Variants in HDAC9 observed in about 807,000 individuals in gnomAD.
HDAC9 encodes MEF-2 interacting transcription repressor (MITR) protein.
A neutral mutation model predicts 139.4 loss-of-function variants in HDAC9; 41 were observed. The observed-to-expected ratio is 0.29, with a 90% confidence interval of 0.23 to 0.38. The LOEUF (loss-of-function observed/expected upper bound fraction) is 0.38, where lower values mean the gene tolerates loss of function less well. HDAC9 is among the 10% of genes least tolerant of loss of function. The pLI is 1.00. For synonymous variants in HDAC9, 517 were observed against 476.2 expected, an observed-to-expected ratio of 1.09 and a Z score of -1.12; for missense variants, 1,147 against 1,297.0, an observed-to-expected ratio of 0.88 and a Z score of 1.78.
At chr7:18,822,349 T>TGTA (rs1795046580) in intron 17 of HDAC9, among the ~76,000 whole-genome samples, 1 of 141,792 alleles carries the variant, frequency 7.1e-6, no homozygotes, top group Admixed American at 7.2e-5. Flanking sequence ...TTTGTTTGTT[T>TGTA]GTTGTTGTTG....
intron 25 of HDAC9, among the ~76,000 whole-genome samples, chr7:18,978,233 T>C (rs953444548): frequency 6.6e-6 from 1 of 152,142 alleles, no homozygotes; most frequent in Non-Finnish European, 1.5e-5. Flanking sequence ...GGAGAACATA[T>C]TGGTGTTTGG....
chr7:18,346,392 ACT>A (rs760138497), intron 1 of HDAC9, among the ~76,000 whole-genome samples: 66 of 152,102 alleles, frequency 4.3e-4, no homozygotes, highest in Non-Finnish European at 8.5e-4. Context: ...GGATAATTTA[ACT>A]CTCAAAAATT....
chr7:18,528,463 C>A (rs1320145765), intron 2 of HDAC9, among the ~76,000 whole-genome samples: 2 of 151,882 alleles, frequency 1.3e-5, no homozygotes, highest in Non-Finnish European at 2.9e-5. Flanking sequence ...GTTTTCAGAC[C>A]AAATGGACTG....
At chr7:18,234,897 C>A (rs531711280) in intron 2 of HDAC9, among the ~76,000 whole-genome samples, 1 of 152,260 alleles carries the variant, frequency 6.6e-6, no homozygotes, top group Non-Finnish European at 1.5e-5. Flanking sequence ...AAGTTAATGA[C>A]CAGGTGGTAG....
At chr7:18,381,333 T>A (rs1454592655) in intron 1 of HDAC9, among the ~76,000 whole-genome samples, 1 of 151,924 alleles carries the variant, frequency 6.6e-6, no homozygotes, top group Non-Finnish European at 1.5e-5. Context: ...ATTTGGAAGA[T>A]ATAATTAACA....
chr7:18,261,854 G>C (rs985654486), intron 2 of HDAC9, among the ~76,000 whole-genome samples: 3 of 152,178 alleles, frequency 2.0e-5, no homozygotes, highest in Non-Finnish European at 4.4e-5. Context: ...GTGGCTACTT[G>C]TCCTAAACAT....
chr7:18,902,001 G>A (rs17350515), intron 22 of HDAC9, among the ~76,000 whole-genome samples: 75,073 of 152,004 alleles, frequency 0.49, 20,250 homozygotes, highest in East Asian at 0.88. Context: ...AGTTACACAT[G>A]AAATTGCCCT....
At chr7:18,545,700 A>T (rs1814565260) in intron 2 of HDAC9, among the ~76,000 whole-genome samples, 1 of 152,186 alleles carries the variant, frequency 6.6e-6, no homozygotes, top group Admixed American at 6.5e-5. Context: ...AGATATCCAT[A>T]AGGAGATTGA....
chr7:18,419,412 A>G (rs565587590), intron 1 of HDAC9, among the ~76,000 whole-genome samples: 1 of 152,344 alleles, frequency 6.6e-6, no homozygotes, highest in Admixed American at 6.5e-5. Context: ...GTTTCACAGC[A>G]AATGTAAAGC....
chr7:18,665,305 T>G (rs1279830129), intron 11 of HDAC9, among the ~76,000 whole-genome samples: 5 of 152,130 alleles, frequency 3.3e-5, no homozygotes, highest in Non-Finnish European at 5.9e-5. Context: ...GCAGATGATT[T>G]GGTCCACAGG....
chr7:18,099,839 C>T (rs1280973573), intron 1 of HDAC9, among the ~76,000 whole-genome samples: 2 of 152,170 alleles, frequency 1.3e-5, no homozygotes, highest in Admixed American at 6.5e-5. Flanking sequence ...TTACTACATT[C>T]GTATTTTATT....
At chr7:18,532,783 A>G (rs1809468168) in intron 2 of HDAC9, among the ~76,000 whole-genome samples, 1 of 151,608 alleles carries the variant, frequency 6.6e-6, no homozygotes, top group East Asian at 1.9e-4. Flanking sequence ...TTTTCACTCC[A>G]CAGCAGCAAC....
chr7:18,599,550 T>C (rs1562520870), intron 6 of HDAC9, among the ~76,000 whole-genome samples: 1 of 152,202 alleles, frequency 6.6e-6, no homozygotes, highest in South Asian at 2.1e-4. Context: ...AGGGCTACGA[T>C]ATGTGGCCTT....
intron 1 of HDAC9, among the ~76,000 whole-genome samples, chr7:18,359,863 C>T (rs1054163929): frequency 6.6e-6 from 1 of 152,180 alleles, no homozygotes; most frequent in Non-Finnish European, 1.5e-5. Flanking sequence ...CCCACCTCGG[C>T]CTCCCAAAGT....
intron 2 of HDAC9, among the ~76,000 whole-genome samples, chr7:18,577,461 C>G (rs1826338204): frequency 6.6e-6 from 1 of 152,130 alleles, no homozygotes; most frequent in South Asian, 2.1e-4. Context: ...TCAGTGGTTT[C>G]TCTTTTTCAA....
chr7:18,575,629 T>G (rs1006349193), intron 2 of HDAC9, among the ~76,000 whole-genome samples: 1 of 152,230 alleles, frequency 6.6e-6, no homozygotes, highest in African/African-American at 2.4e-5. Context: ...CTTTTCAGAT[T>G]GTTTTCAAAT....
intron 2 of HDAC9, among the ~76,000 whole-genome samples, chr7:18,511,607 TAAAC>T (rs922138764): frequency 2.0e-4 from 30 of 152,116 alleles, no homozygotes; most frequent in African/African-American, 6.5e-4. Context: ...AATAAATAAA[TAAAC>T]AAATAAAAGA....
chr7:18,287,494 A>G (rs1293106567), upstream of HDAC9, among the ~76,000 whole-genome samples: 1 of 152,218 alleles, frequency 6.6e-6, no homozygotes, highest in Admixed American at 6.5e-5. Flanking sequence ...TAGTTCAAAG[A>G]GTGTTTGCCA....
At chr7:18,385,360 A>G (rs1785819635) in intron 1 of HDAC9, among the ~76,000 whole-genome samples, 1 of 151,988 alleles carries the variant, frequency 6.6e-6, no homozygotes, top group African/African-American at 2.4e-5. Flanking sequence ...TTCCTTTGGG[A>G]TAATAACACC....
Sources: gnomAD v4.1 joint callset for allele counts (sites outside exome capture counted in the v4.1 genomes callset) on GRCh38, gnomAD v4.1.1 for gene constraint, MANE v1.5 for transcripts, NCBI Gene and HGNC (gene_info 2026-07-23, HGNC 2026-07-21) for gene names.